LRRK2: variants seen among roughly 807,000 people sequenced by gnomAD.
LRRK2 encodes leucine rich repeat kinase 2, also known as leucine-rich repeat serine/threonine-protein kinase 2.
In LRRK2, 203 loss-of-function variants were observed where a neutral mutation model predicts 302.6. That is an observed-to-expected ratio of 0.67 (90% CI 0.60 to 0.75). The LOEUF (loss-of-function observed/expected upper bound fraction) is 0.75, where lower values mean the gene tolerates loss of function less well. Ranked by LOEUF, LRRK2 falls within the 30% of genes least tolerant of loss-of-function variation. The probability of loss-of-function intolerance (pLI) is 0.00; values close to 1 mark genes in which losing one functional copy is unlikely to be tolerated. For synonymous variants in LRRK2, 1,066 were observed against 1,031.9 expected, an observed-to-expected ratio of 1.03 and a Z score of -0.63; for missense variants, 2,830 against 2,951.0, an observed-to-expected ratio of 0.96 and a Z score of 0.95.
intron 2 of LRRK2, among the ~76,000 whole-genome samples, chr12:40,227,093 G>A (rs1027726929): frequency 6.6e-6 from 1 of 152,156 alleles, no homozygotes; most frequent in African/African-American, 2.4e-5. Context: ...GTAGTTATGA[G>A]TGTCACTTAG....
intron 37 of LRRK2, 129 bp downstream of exon 37, chr12:40,322,639 C>A: frequency 1.3e-6 from 1 of 786,430 alleles, no homozygotes; most frequent in Non-Finnish European, 2.1e-6. Flanking sequence ...ATTATAGGGA[C>A]AGTTCAGAAA....
intron 20 of LRRK2, among the ~76,000 whole-genome samples, chr12:40,291,431 A>ATATAT (rs1944153457): frequency 6.8e-6 from 1 of 146,340 alleles, no homozygotes. Context: ...AGTATAATAA[A>ATATAT]ATATATATAT....
chr12:40,281,032 C>T (rs1444757842), intron 18 of LRRK2, among the ~76,000 whole-genome samples: 1 of 147,068 alleles, frequency 6.8e-6, no homozygotes, highest in Non-Finnish European at 1.5e-5. Context: ...CGCGCCACTG[C>T]ACTGCAGCCT....
In LRRK2 at chr12:40,320,161, G is replaced by T. The variant is rs781708570; in HGVS notation, c.5001G>T (p.Leu1667Phe). ...CTTTGCCAATAGGAGAAGAATATTT[G>T]CTGGTTCCAAGCAGGTAAAGAAAAC... ...QIALPIGEEY[L>F]LVPSSLSDHR... is the part of the protein sequence containing the mutation. Residue 1667 changes from leucine to phenylalanine, a missense_variant, in exon 34 of 51, where the codon TTG becomes TTT. By Grantham distance (22) the Leu-to-Phe change is conservative (BLOSUM62 0). Coordinates refer to ENST00000298910, the MANE Select transcript of LRRK2 (RefSeq NM_198578.4). 1 of 1,611,958 alleles carries T rather than the reference G, an allele frequency of 6.2e-7. No individual in the cohort carries two copies. The highest frequency in any genetic ancestry group is 8.5e-7 in the Non-Finnish European group (1 of 1,178,812).
intron 45 of LRRK2, among the ~76,000 whole-genome samples, chr12:40,355,548 T>TTC (rs1946508020): frequency 4.2e-4 from 34 of 81,742 alleles, no homozygotes; most frequent in Non-Finnish European, 6.4e-4. Context: ...TTCCTTCTTC[T>TTC]TTTTTTTTTT....
chr12:40,341,797 A>G (rs906401319), intron 41 of LRRK2, among the ~76,000 whole-genome samples: 1 of 152,220 alleles, frequency 6.6e-6, no homozygotes, highest in African/African-American at 2.4e-5. Context: ...TTTAAATTCT[A>G]TAGTCTCTCC....
rs191395541 is a variant in LRRK2 at position 40,325,316 on chromosome 12, G to A, written c.5656+2010G>A. 1.4e-4 allele frequency among the ~76,000 whole-genome samples: 21 copies of A among 152,138 alleles called. No homozygotes were observed. The East Asian group carries it at 4.1e-3, about 29-fold the overall frequency. ...AACAAAAAACAAAAAAGCAAAGTCT[G>A]TTTAGCTACCCATATAGGAAAATGT... On this transcript the variant is annotated intron_variant, in intron 38 of 50. Transcript: ENST00000298910.
At chr12:40,242,516 C>T (rs897831982) in intron 6 of LRRK2, among the ~76,000 whole-genome samples, 11 of 151,898 alleles carry the variant, frequency 7.2e-5, no homozygotes, top group African/African-American at 2.4e-4. Flanking sequence ...TCCTCTCTTT[C>T]GTTCTCCCAT....
rs36212069 is a variant in LRRK2, at chr12:40,323,313, C to T, written c.5656+7C>T. On this transcript the variant is annotated splice_region_variant and intron_variant, in intron 38 of 50. Coordinates refer to ENST00000298910, the MANE Select transcript of LRRK2 (RefSeq NM_198578.4). ...GCTCCAGAGTTTCTCCTAGGTAATT[C>T]TTTTTGTTAATTTGAGAATAAAAAT... 1.1e-5 allele frequency: 17 copies of T among 1,604,732 alleles called. No individual in the cohort carries two copies. Among genetic ancestry groups the T allele is most frequent in the Non-Finnish European group, 1.4e-5 (17 of 1,174,514 alleles).
intron 43 of LRRK2, among the ~76,000 whole-genome samples, chr12:40,349,273 T>C (rs1456299830): frequency 3.3e-5 from 5 of 152,210 alleles, no homozygotes; most frequent in African/African-American, 1.2e-4. Flanking sequence ...TCATTTATTT[T>C]TCCTCCAGTA....
At chr12:40,266,775 G>A (rs1027646143) in intron 14 of LRRK2, among the ~76,000 whole-genome samples, 4 of 151,992 alleles carry the variant, frequency 2.6e-5, no homozygotes, top group African/African-American at 9.7e-5. Context: ...ATGATAGACT[G>A]GATTAAGAAA....
At chr12:40,349,958 G>C (rs1436816726) in intron 43 of LRRK2, among the ~76,000 whole-genome samples, 1 of 152,234 alleles carries the variant, frequency 6.6e-6, no homozygotes, top group Non-Finnish European at 1.5e-5. Context: ...TTCATGGCTT[G>C]AGATTTGTTT....
chr12:40,263,833 CTAAATA>C lies in LRRK2; in HGVS notation c.1590_1595del (p.Asn531_Met532del). 6.2e-7 allele frequency: 1 copy of C among 1,613,106 alleles called. No homozygotes were observed. Among genetic ancestry groups the C allele is most frequent in the Non-Finnish European group, 8.5e-7 (1 of 1,179,410 alleles). ...GGAGGATACAGAATTTCATCATAAG[CTAAATA>C]TGGTTAAAAAACAGTGTTTCAAGAA... On this transcript the variant is annotated inframe_deletion, in exon 14 of 51. Coordinates refer to ENST00000298910, the MANE Select transcript of LRRK2 (RefSeq NM_198578.4).
chr12:40,287,662 A>T, intron 20 of LRRK2, 123 bp downstream of exon 20: 1 of 939,714 alleles, frequency 1.1e-6, no homozygotes, highest in South Asian at 1.5e-5. Context: ...TGTGTTTATT[A>T]TCGCAAACAG....
chr12:40,292,994 A>G (rs1192736385), intron 20 of LRRK2, among the ~76,000 whole-genome samples: 1 of 152,078 alleles, frequency 6.6e-6, no homozygotes, highest in Non-Finnish European at 1.5e-5. Flanking sequence ...GCTGACTGTT[A>G]AATAATTTGT....
At chr12:40,245,056 G>A (rs918768267) in intron 7 of LRRK2, among the ~76,000 whole-genome samples, 3 of 148,774 alleles carry the variant, frequency 2.0e-5, no homozygotes, top group East Asian at 1.9e-4. Context: ...TCTTTTCACC[G>A]TCTTTATGGT....
chr12:40,270,614 G>T (rs1490904793), intron 14 of LRRK2, among the ~76,000 whole-genome samples: 1 of 151,956 alleles, frequency 6.6e-6, no homozygotes, highest in East Asian at 1.9e-4. Context: ...GAAGTCTGAG[G>T]CCAGCTTCAT....
Position 40,277,955 on chromosome 12 carries a change from CATTT to C in LRRK2, c.2010_2013del (p.Phe671ThrfsTer2). 1 of 1,613,250 alleles carries C rather than the reference CATTT, an allele frequency of 6.2e-7. No individual in the cohort carries two copies. The highest frequency in any genetic ancestry group is 2.2e-5 in the East Asian group (1 of 44,828). On this transcript the variant is annotated frameshift_variant, in exon 17 of 51. Coordinates refer to ENST00000298910, the MANE Select transcript of LRRK2 (RefSeq NM_198578.4). LOFTEE classifies it high-confidence loss of function. ...TTTTCTAAGCTGCTGGTGCATCATT[CATTT>C]GACTTAGTAATATTCCATCAAATGT...
chr12:40,331,849 T>G, intron 39 of LRRK2, among the ~76,000 whole-genome samples: 1 of 152,214 alleles, frequency 6.6e-6, no homozygotes, highest in East Asian at 1.9e-4. Context: ...TTTAATCCAG[T>G]CACTCTGGCC....
Sources: allele counts gnomAD v4.1 joint callset (sites outside exome capture counted in the v4.1 genomes callset), GRCh38; gene constraint gnomAD v4.1.1; transcripts MANE v1.5; gene names NCBI Gene and HGNC (gene_info 2026-07-23, HGNC 2026-07-21).